Variants in FAM135A observed in about 807,000 individuals in gnomAD.
The protein encoded by FAM135A is protein FAM135A.
FAM135A carries 79 observed loss-of-function variants against 146.8 expected under a neutral mutation model. The observed-to-expected ratio is 0.54, with a 90% confidence interval of 0.45 to 0.65. The LOEUF (loss-of-function observed/expected upper bound fraction) is 0.65, where lower values mean the gene tolerates loss of function less well. Among genes scored for constraint, FAM135A ranks in the 30% least tolerant of loss-of-function variants. The probability of loss-of-function intolerance (pLI) is 0.00; values close to 1 mark genes in which losing one functional copy is unlikely to be tolerated. For synonymous variants in FAM135A, 562 were observed against 603.6 expected, an observed-to-expected ratio of 0.93 and a Z score of 1.01; for missense variants, 1,623 against 1,758.2, an observed-to-expected ratio of 0.92 and a Z score of 1.38.
In FAM135A at chr6:70,502,623, C is replaced by CTT; in HGVS notation, c.874-10_874-9dup. On this transcript the variant is annotated splice_polypyrimidine_tract_variant and intron_variant, in intron 11 of 21. Transcript: ENST00000418814. ...CTTGGGAAATAGTGAAATTTTTTTTCTTTTCATTTCAGAAAATAGAGAATC... is the reference window on the plus strand; with the variant it reads ...CTTGGGAAATAGTGAAATTTTTTTTCTTTTTTCATTTCAGAAAATAGAGAATC... 6.3e-7 allele frequency: 1 copy of CTT among 1,591,048 alleles called. No homozygotes were observed. The highest frequency in any genetic ancestry group is 8.5e-7 in the Non-Finnish European group (1 of 1,171,746).
chr6:70,473,810 G>T (rs73482557), intron 5 of FAM135A, among the ~76,000 whole-genome samples: 2 of 151,844 alleles, frequency 1.3e-5, no homozygotes, highest in Admixed American at 6.6e-5. Context: ...GCTGCCCACC[G>T]CCTTCTTGAC....
At chr6:70,529,125 T>TGGTA (rs1348073855) in intron 16 of FAM135A, among the ~76,000 whole-genome samples, 1 of 152,100 alleles carries the variant, frequency 6.6e-6, no homozygotes, top group Non-Finnish European at 1.5e-5. Flanking sequence ...CCCTTTTACC[T>TGGTA]GGCTGCTTTA....
At position 70,533,264 on chromosome 6, in the gene FAM135A, A is replaced by C; in HGVS notation, c.3867+13A>C. 1 of 1,592,100 alleles carries C rather than the reference A, an allele frequency of 6.3e-7. No homozygotes were observed. Among genetic ancestry groups the C allele is most frequent in the South Asian group, 1.1e-5 (1 of 87,670 alleles). On this transcript the variant is annotated intron_variant, in intron 17 of 21. Coordinates refer to ENST00000418814, the MANE Select transcript of FAM135A (RefSeq NM_001162529.3). ...TGAGAGAAATCAGGTACAATATGAC[A>C]GTGTTTTCAGTGAAAACAAACATTT...
At chr6:70,419,153 G>T (rs1345184126) in intron 2 of FAM135A, among the ~76,000 whole-genome samples, 4 of 152,168 alleles carry the variant, frequency 2.6e-5, no homozygotes, top group Non-Finnish European at 4.4e-5. Flanking sequence ...AGGCATGGTG[G>T]CTCACGCCTG....
chr6:70,477,641 T>C (rs904344144), intron 8 of FAM135A, among the ~76,000 whole-genome samples: 2 of 152,064 alleles, frequency 1.3e-5, no homozygotes, highest in African/African-American at 4.8e-5. Context: ...GAGGACAGTA[T>C]CAAGAGGAAT....
intron 4 of FAM135A, among the ~76,000 whole-genome samples, chr6:70,446,651 G>A (rs140918991): frequency 9.5e-4 from 145 of 152,254 alleles, no homozygotes; most frequent in African/African-American, 1.4e-3. Context: ...GTGTAACTGC[G>A]TCATAGAGTA....
chr6:70,560,773 A>C lies in FAM135A; in HGVS notation c.*852A>C. ...TAATAATTAAATGTTGAAATTTATG[A>C]AATACTTTTATGAATTTAGATAATT... On this transcript the variant is annotated 3_prime_UTR_variant, in exon 22 of 22. Transcript: ENST00000418814. 1 of 152,696 alleles carries C rather than the reference A, an allele frequency of 6.5e-6. No individual in the cohort carries two copies. Among genetic ancestry groups the C allele is most frequent in the South Asian group, 2.1e-4 (1 of 4,828 alleles). The allele number at this position is 152,696 out of a possible 1,614,324, so 9.5% of individuals were successfully genotyped here.
intron 2 of FAM135A, among the ~76,000 whole-genome samples, chr6:70,419,046 G>A (rs758026178): frequency 3.9e-5 from 6 of 152,188 alleles, no homozygotes; most frequent in African/African-American, 7.2e-5. Context: ...TTCCTACTCC[G>A]CTGGGTCGGC....
At chr6:70,516,646 C>T (rs1211840928) in intron 12 of FAM135A, among the ~76,000 whole-genome samples, 2 of 150,476 alleles carry the variant, frequency 1.3e-5, no homozygotes, top group South Asian at 4.2e-4. Context: ...CGCCATTCTC[C>T]ATCTCAGCCT....
chr6:70,538,264 A>G (rs1797147600), intron 19 of FAM135A, 27 bp from the exon 20 acceptor site: 4 of 1,236,908 alleles, frequency 3.2e-6, no homozygotes, highest in African/African-American at 1.6e-5. Flanking sequence ...TTCATTTCAT[A>G]CTTCTATATC....
chr6:70,526,970 C>T (rs1794881700), intron 15 of FAM135A, among the ~76,000 whole-genome samples: 1 of 151,998 alleles, frequency 6.6e-6, no homozygotes, highest in Non-Finnish European at 1.5e-5. Context: ...TGCTGTTCTG[C>T]TGTTCTATAG....
chr6:70,414,061 A>AC (rs1562373097), intron 1 of FAM135A: 6 of 983,738 alleles, frequency 6.1e-6, no homozygotes, highest in African/African-American at 1.8e-5. Context: ...TCCCTCCTTT[A>AC]CCCGCTTTCG....
At chr6:70,515,118 T>C (rs1306014576) in intron 12 of FAM135A, among the ~76,000 whole-genome samples, 1 of 152,130 alleles carries the variant, frequency 6.6e-6, no homozygotes, top group African/African-American at 2.4e-5. Flanking sequence ...CAACAGCAAA[T>C]GTTGGTGAGA....
chr6:70,550,984 G>C (rs1203054839), intron 20 of FAM135A, among the ~76,000 whole-genome samples: 1 of 152,164 alleles, frequency 6.6e-6, no homozygotes, highest in Non-Finnish European at 1.5e-5. Context: ...GCTTCCAGCT[G>C]TTCTGTGCAG....
chr6:70,419,480 A>T (rs1337064086), intron 2 of FAM135A, among the ~76,000 whole-genome samples: 1 of 152,274 alleles, frequency 6.6e-6, no homozygotes, highest in Non-Finnish European at 1.5e-5. Flanking sequence ...AGAAGGCCCA[A>T]GAACATCAAT....
intron 4 of FAM135A, among the ~76,000 whole-genome samples, chr6:70,440,200 A>G (rs749792557): frequency 5.3e-5 from 8 of 152,214 alleles, no homozygotes; most frequent in Middle Eastern, 3.2e-3. Flanking sequence ...ACGAATCCTC[A>G]AGTGATGCTA....
intron 4 of FAM135A, among the ~76,000 whole-genome samples, chr6:70,440,161 G>T (rs1484047332): frequency 6.6e-6 from 1 of 152,112 alleles, no homozygotes; most frequent in Non-Finnish European, 1.5e-5. Flanking sequence ...TTAATCTAAA[G>T]GATTGATTAA....
At chr6:70,522,975 G>T (rs748195750) in intron 13 of FAM135A, among the ~76,000 whole-genome samples, 1 of 151,982 alleles carries the variant, frequency 6.6e-6, no homozygotes, top group African/African-American at 2.4e-5. Context: ...AATTGTAAAT[G>T]ATTTACAATT....
chr6:70,510,788 G>A (rs944243730), intron 12 of FAM135A, among the ~76,000 whole-genome samples: 2 of 152,034 alleles, frequency 1.3e-5, no homozygotes, highest in Non-Finnish European at 2.9e-5. Flanking sequence ...ATACCTAGGA[G>A]TGGAATTGCT....
Sources: gnomAD v4.1 joint callset for allele counts (sites outside exome capture counted in the v4.1 genomes callset) on GRCh38, gnomAD v4.1.1 for gene constraint, MANE v1.5 for transcripts, NCBI Gene and HGNC (gene_info 2026-07-23, HGNC 2026-07-21) for gene names.